The following SPINK1 variants were observed in gnomAD, a reference collection of about 807,000 sequenced individuals.
SPINK1 encodes the protein serine peptidase inhibitor Kazal type 1, also known as serine protease inhibitor Kazal-type 1.
SPINK1 carries 5 observed loss-of-function variants against 9.5 expected under a neutral mutation model. The observed-to-expected ratio is 0.52, with a 90% CI of 0.27 to 1.10. SPINK1 has a LOEUF of 1.10. Among genes scored for constraint, SPINK1 ranks in the 50% least tolerant of loss-of-function variants. SPINK1 has a pLI of 0.11. For missense variants in SPINK1, 88 were observed against 92.7 expected, an observed-to-expected ratio of 0.95 and a Z score of 0.21; for synonymous variants, 37 against 32.3, an observed-to-expected ratio of 1.14 and a Z score of -0.49.
upstream of SPINK1, among the ~76,000 whole-genome samples, chr5:147,836,008 T>C (rs1756588671): frequency 6.6e-6 from 1 of 152,102 alleles, no homozygotes; most frequent in Non-Finnish European, 1.5e-5. Context: ...TCTGTGGTGC[T>C]TGATGCAATT....
the SPINK1 span, among the ~76,000 whole-genome samples, chr5:147,837,649 T>TTTTCTTTCTTTC: frequency 0.069 from 7,333 of 107,010 alleles, 494 homozygotes; most frequent in Non-Finnish European, 0.082. Context: ...CATTAACTTC[T>TTTTCTTTCTTTC]TTTCTTTCTT....
At chr5:147,831,468 C>G in intron 1 of SPINK1, 55 bp downstream of exon 1, 1 of 1,606,808 alleles carries the variant, frequency 6.2e-7, no homozygotes, top group East Asian at 2.2e-5. Context: ...ATGTGCTTCA[C>G]AAAGCAACAG....
intron 2 of SPINK1, among the ~76,000 whole-genome samples, chr5:147,829,002 T>C (rs1756461349): frequency 6.6e-6 from 1 of 152,128 alleles, no homozygotes; most frequent in African/African-American, 2.4e-5. Flanking sequence ...TTCATAACAC[T>C]TATCACAAAT....
chr5:147,838,856 C>T, the SPINK1 span, among the ~76,000 whole-genome samples: 3 of 152,178 alleles, frequency 2.0e-5, no homozygotes, highest in South Asian at 2.1e-4. Context: ...TATTCCCCCA[C>T]GGTTCCCCAT....
At chr5:147,838,901 T>G in the SPINK1 span, among the ~76,000 whole-genome samples, 1 of 152,062 alleles carries the variant, frequency 6.6e-6, no homozygotes, top group Admixed American at 6.5e-5. Context: ...ATCCATCTCA[T>G]GGTCCTGAAG....
At chr5:147,832,581 G>T (rs566005714), upstream of SPINK1, among the ~76,000 whole-genome samples, 2 of 152,104 alleles carry the variant, frequency 1.3e-5, no homozygotes, top group African/African-American at 4.8e-5. Context: ...AAAAGATTTC[G>T]GGTTTTTAAA....
In SPINK1 at chr5:147,828,080, C is replaced by G. The variant is rs772387015; in HGVS notation, c.136G>C (p.Val46Leu). The change falls in exon 3 of 4, where the codon GTC (valine) becomes CTC (leucine). Residue 46 changes from valine (V) to leucine (L), a missense_variant. Coordinates refer to ENST00000296695, the MANE Select transcript of SPINK1 (RefSeq NM_001379610.1). The stretch of plus-strand genomic sequence containing the variant: ...TAAGTATTTCCATCAGTCCCACAGA[C>G]AGGGTCATATATCTTGGTGCATCCA... ...LNGCTKIYDP[V>L]CGTDGNTYPN... 4 of 1,613,552 alleles carry G rather than the reference C, an allele frequency of 2.5e-6. No homozygotes were observed. The East Asian group carries it at 6.7e-5, about 27-fold the overall frequency.
At chr5:147,833,929 C>T (rs923641130), upstream of SPINK1, among the ~76,000 whole-genome samples, 5 of 152,108 alleles carry the variant, frequency 3.3e-5, no homozygotes, top group African/African-American at 1.2e-4. Context: ...TTACCCTTTA[C>T]TAGGACCAAC....
At chr5:147,836,964 A>G in the SPINK1 span, among the ~76,000 whole-genome samples, 135 of 152,312 alleles carry the variant, frequency 8.9e-4, no homozygotes, top group Non-Finnish European at 1.5e-3. Flanking sequence ...CTGTAAAGAT[A>G]ATAACATTTC....
At chr5:147,826,502 T>G (rs1463188155) in intron 3 of SPINK1, among the ~76,000 whole-genome samples, 1 of 152,156 alleles carries the variant, frequency 6.6e-6, no homozygotes, top group Non-Finnish European at 1.5e-5. Flanking sequence ...GATAGGGTGT[T>G]CCAGCCCTCT....
intron 3 of SPINK1, among the ~76,000 whole-genome samples, chr5:147,825,283 T>G (rs1037196972): frequency 1.2e-4 from 19 of 152,166 alleles, no homozygotes; most frequent in Non-Finnish European, 2.4e-4. Context: ...ATCTCTAAAT[T>G]TTATAATTGT....
At chr5:147,836,006 G>T (rs1159525247), upstream of SPINK1, among the ~76,000 whole-genome samples, 1 of 151,984 alleles carries the variant, frequency 6.6e-6, no homozygotes. Context: ...TGTCTGTGGT[G>T]CTTGATGCAA....
intron 1 of SPINK1, among the ~76,000 whole-genome samples, chr5:147,830,670 T>A (rs1469158002): frequency 6.6e-6 from 1 of 152,198 alleles, no homozygotes; most frequent in Non-Finnish European, 1.5e-5. Flanking sequence ...GAACACTGAC[T>A]GTTGCCATAA....
intron 3 of SPINK1, chr5:147,826,978 C>T (rs557740568): frequency 6.6e-6 from 1 of 152,226 alleles, no homozygotes; most frequent in Admixed American, 6.5e-5. Context: ...CGTGGAATCC[C>T]TTTTATTTGC....
upstream of SPINK1, among the ~76,000 whole-genome samples, chr5:147,832,807 TC>T (rs1756531783): frequency 6.6e-6 from 1 of 152,164 alleles, no homozygotes; most frequent in African/African-American, 2.4e-5. Flanking sequence ...CTTCTTAGCT[TC>T]CAAGTAGGAT....
chr5:147,835,684 G>A (rs1289436476), upstream of SPINK1, among the ~76,000 whole-genome samples: 1 of 152,068 alleles, frequency 6.6e-6, no homozygotes, highest in African/African-American at 2.4e-5. Flanking sequence ...AATGGATGTT[G>A]ATAATACATG....
chr5:147,835,785 A>G (rs1244737701), upstream of SPINK1, among the ~76,000 whole-genome samples: 1 of 152,154 alleles, frequency 6.6e-6, no homozygotes, highest in African/African-American at 2.4e-5. Context: ...GAAACTAGAG[A>G]TATACAGCTT....
At chr5:147,834,857 T>A (rs1465443011), upstream of SPINK1, among the ~76,000 whole-genome samples, 1 of 152,156 alleles carries the variant, frequency 6.6e-6, no homozygotes, top group African/African-American at 2.4e-5. Context: ...TATGTAGATA[T>A]GTGAGCAGAC....
chr5:147,830,225 T>C (rs536071039), intron 1 of SPINK1, among the ~76,000 whole-genome samples: 4 of 152,292 alleles, frequency 2.6e-5, no homozygotes, highest in African/African-American at 9.6e-5. Context: ...TTTCCAACAA[T>C]TGCATCATAT....
Sources: allele counts gnomAD v4.1 joint callset (sites outside exome capture counted in the v4.1 genomes callset), GRCh38; gene constraint gnomAD v4.1.1; transcripts MANE v1.5; gene names NCBI Gene and HGNC (gene_info 2026-07-23, HGNC 2026-07-21).